Variants in CENPM observed in about 807,000 individuals in gnomAD.
The protein encoded by CENPM is centromere protein M.
Under a neutral mutation model 19.6 loss-of-function variants are expected in CENPM, and 14 were observed. The observed-to-expected ratio is 0.71, with a 90% confidence interval of 0.47 to 1.11. CENPM has a LOEUF of 1.11. Ranked by LOEUF, CENPM falls within the 50% of genes most tolerant of loss-of-function variation. The pLI, the probability that CENPM is intolerant of heterozygous loss-of-function variation, is 0.00. For missense variants in CENPM, 239 were observed against 228.4 expected (o/e 1.05, Z -0.30); for synonymous variants, 114 against 101.5 (o/e 1.12, Z -0.74).
At chr22:41,932,940 G>A in the CENPM span, among the ~76,000 whole-genome samples, 1 of 152,208 alleles carries the variant, frequency 6.6e-6, no homozygotes, top group African/African-American at 2.4e-5. This position sits in a 1 kb window ranked among gnomAD's most constrained non-coding sequence, Gnocchi z 4.3. Flanking sequence ...GAAATAGCAG[G>A]GAAGCAGAGA....
downstream of CENPM, among the ~76,000 whole-genome samples, chr22:41,936,147 G>T (rs2077682792): frequency 6.6e-6 from 1 of 152,232 alleles, no homozygotes; most frequent in African/African-American, 2.4e-5. Context: ...TGGGATTACA[G>T]GCGTGAGCCA....
chr22:41,939,171 G>A lies in CENPM; in HGVS notation c.428C>T (p.Ala143Val), dbSNP rs376664319. 3.7e-6 allele frequency: 6 copies of A among 1,611,854 alleles called. No homozygotes were observed. In the African/African-American group the frequency reaches 5.3e-5, roughly 14 times the overall value. Residue 143 changes from alanine to valine, a missense_variant, in exon 6 of 6, where the codon GCG becomes GTG. Ala to Val is a moderately conservative substitution (Grantham distance 64, BLOSUM62 0). Transcript: ENST00000215980. Reference sequence around the variant, plus strand: ...CTGCAGCACGCGCACCAGGCGCTGCGCCATGGTGGCCCTAAAGCCTTCCAC... The same window carrying A: ...CTGCAGCACGCGCACCAGGCGCTGCACCATGGTGGCCCTAAAGCCTTCCAC... ...LEVEGFRATMAQRLVRVLQIC... is the reference protein window; with the variant it reads ...LEVEGFRATMVQRLVRVLQIC...
downstream of CENPM, among the ~76,000 whole-genome samples, chr22:41,935,777 G>A (rs933547034): frequency 6.6e-6 from 1 of 152,226 alleles, no homozygotes; most frequent in African/African-American, 2.4e-5. Flanking sequence ...TCCTGAGGCA[G>A]GAACCATGGC....
At chr22:41,946,235 T>C in intron 2 of CENPM, 182 bp downstream of exon 2, 1 of 655,382 alleles carries the variant, frequency 1.5e-6, no homozygotes, top group Non-Finnish European at 2.7e-6. Flanking sequence ...CTCTGTTTAG[T>C]CACCACCTCG....
chr22:41,944,377 G>A (rs1207951551), intron 4 of CENPM, among the ~76,000 whole-genome samples: 3 of 149,718 alleles, frequency 2.0e-5, no homozygotes, highest in East Asian at 1.9e-4. Context: ...CGGTGGTTGC[G>A]GTGAGCTGAG....
downstream of CENPM, among the ~76,000 whole-genome samples, chr22:41,935,319 C>T (rs918003216): frequency 6.6e-6 from 1 of 152,042 alleles, no homozygotes; most frequent in Non-Finnish European, 1.5e-5. Context: ...TCCTCCTGGT[C>T]GCCAGCAAAA....
intron 1 of CENPM, chr22:41,946,739 A>G (rs2077809297): frequency 1.8e-5 from 11 of 597,688 alleles, no homozygotes; most frequent in Non-Finnish European, 2.7e-5. Context: ...CGGCCTCTCC[A>G]GGAGGCCAGA....
At chr22:41,931,992 G>A in the CENPM span, among the ~76,000 whole-genome samples, 221 of 152,324 alleles carry the variant, frequency 1.5e-3, no homozygotes, top group African/African-American at 5.1e-3. Context: ...GTTTCCCCAC[G>A]GTCCCCAGAG....
At position 41,947,121 on chromosome 22, in the gene CENPM, T is replaced by A. The variant is rs2077816095; in HGVS notation, c.-45A>T. 1.9e-6 allele frequency: 3 copies of A among 1,597,132 alleles called. No homozygotes were observed. The highest frequency in any genetic ancestry group is 1.7e-6 in the Non-Finnish European group (2 of 1,167,674). The stretch of plus-strand genomic sequence containing the variant: ...GTTGCTCCTGCGGTGCGCGCCGATC[T>A]TTCAAACCGCCCTGAGTCCAGCCCC... On this transcript the variant is annotated 5_prime_UTR_variant, in exon 1 of 6. The change creates a new upstream start codon in the 5' untranslated region. Coordinates refer to ENST00000215980, the MANE Select transcript of CENPM (RefSeq NM_024053.5).
chr22:41,944,688 G>A, intron 4 of CENPM: 1 of 985,420 alleles, frequency 1.0e-6, no homozygotes, highest in Non-Finnish European at 1.2e-6. Flanking sequence ...GGAACAGCAG[G>A]ACTTTTTCAG....
chr22:41,931,965 T>A, the CENPM span, among the ~76,000 whole-genome samples: 2 of 152,386 alleles, frequency 1.3e-5, no homozygotes, highest in Admixed American at 1.3e-4. Flanking sequence ...TACAGAAGTC[T>A]ATGAGTGACA....
chr22:41,939,258 C>G, intron 5 of CENPM, 62 bp from the exon 6 acceptor site: 1 of 1,522,806 alleles, frequency 6.6e-7, no homozygotes, highest in Non-Finnish European at 8.8e-7. Flanking sequence ...TTACCCAGAG[C>G]AGCTGCAGGG....
chr22:41,944,810 A>T, intron 4 of CENPM: 1 of 1,011,874 alleles, frequency 9.9e-7, no homozygotes. Flanking sequence ...TTTTACCGAA[A>T]GCCACAGGCA....
At chr22:41,928,840 TCCAGGGCAGGTGGC>T in the CENPM span, among the ~76,000 whole-genome samples, 163 of 152,142 alleles carry the variant, frequency 1.1e-3, no homozygotes, top group African/African-American at 3.7e-3. The surrounding 1 kb of genome is among the most constrained non-coding windows in gnomAD (Gnocchi z 4.0). Context: ...GTGGCCCACG[TCCAGGGCAGGTGGC>T]CCAGGGCAGG....
At chr22:41,946,934 C>A (rs528168948) in intron 1 of CENPM, 86 bp downstream of exon 1, 1 of 1,389,818 alleles carries the variant, frequency 7.2e-7, no homozygotes, top group South Asian at 1.2e-5. Flanking sequence ...GCTGGCTTGG[C>A]GCCTCAGAGA....
the CENPM span, among the ~76,000 whole-genome samples, chr22:41,927,215 C>T: frequency 6.6e-6 from 1 of 152,192 alleles, no homozygotes. Context: ...CCACCGCACC[C>T]GGCCTGGCCT....
Position 41,947,000 on chromosome 22 carries a change from G to GCAGGGC in CENPM, c.57+14_57+19dup, listed in dbSNP as rs779792377. 1 of 1,611,932 alleles carries GCAGGGC rather than the reference G, an allele frequency of 6.2e-7. No homozygotes were observed. Among genetic ancestry groups the GCAGGGC allele is most frequent in the Non-Finnish European group, 8.5e-7 (1 of 1,179,280 alleles). On this transcript the variant is annotated intron_variant, in intron 1 of 5. Coordinates refer to ENST00000215980, the MANE Select transcript of CENPM (RefSeq NM_024053.5). ...CCAGGAGGAAAAACCGGCGGGGGAA[G>GCAGGGC]CAGGGCCGCCTGCACCTACCAAGAT... is the stretch of plus-strand genomic sequence containing the variant.
chr22:41,947,133 C>G lies in CENPM; in HGVS notation c.-57G>C. ...GTGCGCGCCGATCTTTCAAACCGCC[C>G]TGAGTCCAGCCCCTAGAGCGCGGCC... On this transcript the variant is annotated 5_prime_UTR_variant, in exon 1 of 6. Coordinates refer to ENST00000215980, the MANE Select transcript of CENPM (RefSeq NM_024053.5). 1 of 1,568,750 alleles carries G rather than the reference C, an allele frequency of 6.4e-7. No individual in the cohort carries two copies. Among genetic ancestry groups the G allele is most frequent in the South Asian group, 1.1e-5 (1 of 89,312 alleles).
chr22:41,946,135 G>A, intron 2 of CENPM, 130 bp from the exon 3 acceptor site: 1 of 812,400 alleles, frequency 1.2e-6, no homozygotes, highest in East Asian at 2.7e-5. Flanking sequence ...CGAGGCTCTT[G>A]TGGCCACGAC....
Sources: gnomAD v4.1 joint callset for allele counts (sites outside exome capture counted in the v4.1 genomes callset) on GRCh38, gnomAD v4.1.1 for gene constraint, Gnocchi (gnomAD v3.1) non-coding constraint, MANE v1.5 for transcripts, NCBI Gene and HGNC (gene_info 2026-07-23, HGNC 2026-07-21) for gene names.